FOXJ3: variants seen among roughly 807,000 people sequenced by gnomAD.
The protein encoded by FOXJ3 is forkhead box J3, also known as forkhead box protein J3.
FOXJ3 carries 22 observed loss-of-function variants against 76.1 expected under a neutral mutation model. The observed-to-expected ratio is 0.29, with a 90% confidence interval of 0.21 to 0.41. FOXJ3 has a LOEUF of 0.41. FOXJ3 is among the 10% of genes least tolerant of loss of function. FOXJ3 has a pLI of 1.00. For synonymous variants in FOXJ3, 269 were observed against 261.2 expected, an observed-to-expected ratio of 1.03 and a Z score of -0.29; for missense variants, 613 against 762.1, an observed-to-expected ratio of 0.80 and a Z score of 2.30.
At chr1:42,275,790 G>C (rs1212078277) in intron 3 of FOXJ3, among the ~76,000 whole-genome samples, 1 of 152,164 alleles carries the variant, frequency 6.6e-6, no homozygotes, top group Non-Finnish European at 1.5e-5. Context: ...GGGCAAGGAA[G>C]ATACAATATA....
chr1:42,197,962 T>C (rs1646684968), intron 7 of FOXJ3, among the ~76,000 whole-genome samples: 2 of 152,100 alleles, frequency 1.3e-5, no homozygotes, highest in African/African-American at 4.8e-5. Flanking sequence ...GCTGTACCTT[T>C]TTTTTTTAAT....
At chr1:42,223,437 C>A (rs774775294) in intron 5 of FOXJ3, among the ~76,000 whole-genome samples, 15 of 152,166 alleles carry the variant, frequency 9.9e-5, no homozygotes, top group Non-Finnish European at 1.8e-4. Flanking sequence ...ATCCACACTC[C>A]AGCCTAAGTT....
chr1:42,214,388 T>C (rs954929244), intron 5 of FOXJ3, among the ~76,000 whole-genome samples: 1 of 152,132 alleles, frequency 6.6e-6, no homozygotes, highest in African/African-American at 2.4e-5. Flanking sequence ...GGATAATTTA[T>C]TACAGCAGCC....
intron 7 of FOXJ3, among the ~76,000 whole-genome samples, chr1:42,195,748 A>C (rs1024429474): frequency 1.4e-4 from 21 of 152,394 alleles, no homozygotes; most frequent in Non-Finnish European, 5.9e-5. Flanking sequence ...GCCATTAAAA[A>C]TAATGCTCAT....
chr1:42,314,753 C>A (rs780469623), intron 1 of FOXJ3, among the ~76,000 whole-genome samples: 1 of 152,198 alleles, frequency 6.6e-6, no homozygotes, highest in African/African-American at 2.4e-5. Flanking sequence ...AAAACAAAGG[C>A]AACTCCTTTG....
At chr1:42,186,861 CTTT>C (rs1264119358) in intron 11 of FOXJ3, among the ~76,000 whole-genome samples, 3 of 152,200 alleles carry the variant, frequency 2.0e-5, no homozygotes, top group South Asian at 2.1e-4. Context: ...TCTTCTTCTT[CTTT>C]TGAGACGAAG....
chr1:42,263,694 A>T (rs781627597), intron 4 of FOXJ3, among the ~76,000 whole-genome samples: 2 of 152,154 alleles, frequency 1.3e-5, no homozygotes, highest in Non-Finnish European at 2.9e-5. Flanking sequence ...CTGCCTAAAG[A>T]TAGAAACGAA....
chr1:42,245,959 T>C (rs934527403), intron 4 of FOXJ3, among the ~76,000 whole-genome samples: 3 of 152,126 alleles, frequency 2.0e-5, no homozygotes, highest in Non-Finnish European at 2.9e-5. Flanking sequence ...GAAAAGTGAA[T>C]GTCCATAGGC....
intron 4 of FOXJ3, among the ~76,000 whole-genome samples, chr1:42,260,518 TAGTG>T (rs1557681776): frequency 6.6e-6 from 1 of 152,056 alleles, no homozygotes; most frequent in African/African-American, 2.4e-5. Context: ...CCAGGCAACA[TAGTG>T]AGAACTCCAT....
intron 4 of FOXJ3, among the ~76,000 whole-genome samples, chr1:42,259,817 G>T (rs150917828): frequency 8.6e-5 from 13 of 151,936 alleles, no homozygotes; most frequent in Non-Finnish European, 1.8e-4. Flanking sequence ...GCTCTGACTC[G>T]TCCCTCAGCT....
chr1:42,324,111 C>CAGTATACACTGTGTATATACAGTATATAT (rs1289178148), intron 1 of FOXJ3, among the ~76,000 whole-genome samples: 1 of 27,510 alleles, frequency 3.6e-5, no homozygotes, highest in African/African-American at 1.2e-4. Flanking sequence ...TGTGTATATA[C>CAGTATACACTGTGTATATACAGTATATAT]ACTGTATATA....
chr1:42,210,454 C>T (rs1314809815), intron 5 of FOXJ3, among the ~76,000 whole-genome samples: 1 of 152,120 alleles, frequency 6.6e-6, no homozygotes. Flanking sequence ...TGTTCTTTTG[C>T]AAGCATCACC....
chr1:42,323,974 G>A (rs549044765), intron 1 of FOXJ3: 1 of 149,152 alleles, frequency 6.7e-6, no homozygotes, highest in East Asian at 2.0e-4. Flanking sequence ...ATATTTCACT[G>A]ACCTGAATGA....
At chr1:42,241,764 A>G (rs933471261) in intron 4 of FOXJ3, among the ~76,000 whole-genome samples, 1 of 152,214 alleles carries the variant, frequency 6.6e-6, no homozygotes, top group African/African-American at 2.4e-5. Context: ...CCACCTGTAC[A>G]GCCCACTGCT....
At chr1:42,248,684 A>G (rs1006173328) in intron 4 of FOXJ3, among the ~76,000 whole-genome samples, 34 of 151,074 alleles carry the variant, frequency 2.3e-4, no homozygotes, top group African/African-American at 7.8e-4. Context: ...TTCACAAAGC[A>G]AAGCCAGTGA....
At chr1:42,322,031 T>C (rs1025733486) in intron 1 of FOXJ3, among the ~76,000 whole-genome samples, 2 of 151,994 alleles carry the variant, frequency 1.3e-5, no homozygotes, top group African/African-American at 4.8e-5. Context: ...CTACACATAA[T>C]ACTTCAAAAT....
chr1:42,318,120 T>C (rs796951745), intron 1 of FOXJ3, among the ~76,000 whole-genome samples: 3 of 152,332 alleles, frequency 2.0e-5, no homozygotes, highest in African/African-American at 4.8e-5. Flanking sequence ...CAGTCTTTTG[T>C]ATCCATCACT....
At chr1:42,271,654 A>C (rs1411890676) in intron 3 of FOXJ3, among the ~76,000 whole-genome samples, 1 of 151,916 alleles carries the variant, frequency 6.6e-6, no homozygotes, top group East Asian at 1.9e-4. Context: ...TTTATTTTTT[A>C]TTTTATTCTT....
At chr1:42,262,200 G>T (rs1187149146) in intron 4 of FOXJ3, among the ~76,000 whole-genome samples, 2 of 152,186 alleles carry the variant, frequency 1.3e-5, no homozygotes, top group Non-Finnish European at 2.9e-5. Context: ...CATTCCTGGT[G>T]ATATAATTTA....
Sources: allele counts gnomAD v4.1 joint callset (sites outside exome capture counted in the v4.1 genomes callset), GRCh38; gene constraint gnomAD v4.1.1; transcripts MANE v1.5; gene names NCBI Gene and HGNC (gene_info 2026-07-23, HGNC 2026-07-21).